NBAS: variants seen among roughly 807,000 people sequenced by gnomAD.
The protein encoded by NBAS is NAG/BC035112 fusion.
NBAS carries 219 observed loss-of-function variants against 302.5 expected under a neutral mutation model. That is an observed-to-expected ratio of 0.72 (90% CI 0.65 to 0.81). NBAS has a LOEUF of 0.81. NBAS is among the 30% of genes least tolerant of loss of function. NBAS has a pLI of 0.00. For missense variants in NBAS, 2,932 were observed against 2,841.6 expected (o/e 1.03, Z -0.72); for synonymous variants, 1,118 against 1,021.6 (o/e 1.09, Z -1.80).
At chr2:14,843,583 A>ACACACACACACAC in the NBAS span, among the ~76,000 whole-genome samples, 274 of 94,188 alleles carry the variant, frequency 2.9e-3, no homozygotes, top group African/African-American at 0.035. Context: ...CACACACACA[A>ACACACACACACAC]AAATACCTTC....
In NBAS at chr2:15,189,583, G is replaced by T. The variant is rs576848712; in HGVS notation, c.6572+681C>A. 3.9e-4 allele frequency among the ~76,000 whole-genome samples: 59 copies of T among 152,158 alleles called. 1 individual carries two copies. The South Asian group carries it at 0.012, about 32-fold the overall frequency. On this transcript the variant is annotated intron_variant, in intron 49 of 51. Transcript: ENST00000281513. ...TGAGACCCAGTCCATGAGCTCAGAG[G>T]AAATCTGACCACTTCTTCCAAAGGA...
chr2:14,992,842 C>G, the NBAS span, among the ~76,000 whole-genome samples: 1 of 152,152 alleles, frequency 6.6e-6, no homozygotes, highest in Non-Finnish European at 1.5e-5. Flanking sequence ...AAAGGACCTT[C>G]GCTGGCCATG....
the NBAS span, among the ~76,000 whole-genome samples, chr2:14,991,526 G>A: frequency 6.6e-6 from 1 of 152,160 alleles, no homozygotes; most frequent in African/African-American, 2.4e-5. Context: ...CAGCACCATG[G>A]TTCTCAAACT....
the NBAS span, among the ~76,000 whole-genome samples, chr2:14,968,035 A>G: frequency 3.9e-5 from 6 of 152,220 alleles, no homozygotes; most frequent in South Asian, 1.2e-3. Context: ...AGGACAAGCC[A>G]ATCTTCTTTC....
At chr2:14,813,682 G>A in the NBAS span, among the ~76,000 whole-genome samples, 2 of 152,242 alleles carry the variant, frequency 1.3e-5, no homozygotes, top group Middle Eastern at 3.4e-3. Flanking sequence ...TTACTTATAT[G>A]TAAAAGTTTG....
chr2:15,444,309 T>C (rs1678606234), intron 21 of NBAS, among the ~76,000 whole-genome samples: 1 of 152,128 alleles, frequency 6.6e-6, no homozygotes, highest in Non-Finnish European at 1.5e-5. Flanking sequence ...AACAGAGATA[T>C]AGATCAATGG....
At chr2:14,834,847 G>A in the NBAS span, among the ~76,000 whole-genome samples, 8 of 152,154 alleles carry the variant, frequency 5.3e-5, no homozygotes, top group East Asian at 1.9e-4. Context: ...GGTGGAAATC[G>A]TCAGATTAGC....
the NBAS span, among the ~76,000 whole-genome samples, chr2:14,865,142 T>G: frequency 2.0e-5 from 3 of 152,156 alleles, no homozygotes; most frequent in Non-Finnish European, 4.4e-5. Context: ...GATAAGTCAC[T>G]CCTACCTCAC....
At chr2:15,041,768 C>G in the NBAS span, among the ~76,000 whole-genome samples, 1 of 152,228 alleles carries the variant, frequency 6.6e-6, no homozygotes, top group Non-Finnish European at 1.5e-5. Context: ...GCATCTGGGC[C>G]TCTGCACCAT....
chr2:14,905,001 C>G, the NBAS span, among the ~76,000 whole-genome samples: 27 of 152,126 alleles, frequency 1.8e-4, no homozygotes, highest in Non-Finnish European at 2.8e-4. Flanking sequence ...GTGAGCCGGT[C>G]GCACCACCGC....
chr2:15,166,045 G>T (rs1664012623), downstream of NBAS, among the ~76,000 whole-genome samples: 1 of 152,146 alleles, frequency 6.6e-6, no homozygotes, highest in South Asian at 2.1e-4. Flanking sequence ...CTTCGATAAG[G>T]TGTGAGTCTC....
intron 16 of NBAS, among the ~76,000 whole-genome samples, chr2:15,468,812 T>C (rs1282208780): frequency 4.6e-5 from 7 of 152,198 alleles, no homozygotes; most frequent in Non-Finnish European, 1.0e-4. Flanking sequence ...ATATAAAATG[T>C]TTCCTCCTAA....
intron 44 of NBAS, among the ~76,000 whole-genome samples, chr2:15,260,654 G>A (rs1572546113): frequency 2.0e-5 from 3 of 152,214 alleles, no homozygotes; most frequent in Admixed American, 6.5e-5. Flanking sequence ...TATGTTAAAG[G>A]ACTGAAAAAC....
the NBAS span, among the ~76,000 whole-genome samples, chr2:15,004,001 G>A: frequency 2.0e-5 from 3 of 152,148 alleles, no homozygotes; most frequent in Non-Finnish European, 1.5e-5. Flanking sequence ...TTTTTTAAAT[G>A]CCGTAAAAAA....
chr2:14,965,257 T>C, the NBAS span, among the ~76,000 whole-genome samples: 4 of 152,048 alleles, frequency 2.6e-5, no homozygotes. Context: ...AATCTAGTAC[T>C]TTGACAGATC....
intron 21 of NBAS, among the ~76,000 whole-genome samples, chr2:15,450,131 T>C (rs992836232): frequency 6.6e-6 from 1 of 152,196 alleles, no homozygotes; most frequent in Non-Finnish European, 1.5e-5. Context: ...ATTACTTCTT[T>C]TTAAATTTCA....
At chr2:15,225,796 A>C (rs1353907952) in intron 47 of NBAS, among the ~76,000 whole-genome samples, 1 of 152,222 alleles carries the variant, frequency 6.6e-6, no homozygotes, top group African/African-American at 2.4e-5. Context: ...AATCCTTTTG[A>C]GAATGACAAA....
chr2:14,807,465 G>A, the NBAS span, among the ~76,000 whole-genome samples: 1 of 147,672 alleles, frequency 6.8e-6, no homozygotes, highest in African/African-American at 2.7e-5. Flanking sequence ...GTGTGTGTGT[G>A]TGTGTGTGTG....
At chr2:15,519,993 T>A (rs1380569408) in intron 9 of NBAS, among the ~76,000 whole-genome samples, 1 of 152,244 alleles carries the variant, frequency 6.6e-6, no homozygotes, top group Non-Finnish European at 1.5e-5. Context: ...TTCCTGGACT[T>A]CTTAGTTCAC....
Sources: allele counts gnomAD v4.1 joint callset (sites outside exome capture counted in the v4.1 genomes callset), GRCh38; gene constraint gnomAD v4.1.1; transcripts MANE v1.5; gene names NCBI Gene and HGNC (gene_info 2026-07-23, HGNC 2026-07-21).